ROBO2: variants seen among roughly 807,000 people sequenced by gnomAD.
The protein encoded by ROBO2 is roundabout homolog 2.
A neutral mutation model predicts 160.8 loss-of-function variants in ROBO2; 53 were observed. That is an observed-to-expected ratio of 0.33 (90% CI 0.26 to 0.41). ROBO2 has a LOEUF of 0.41. Ranked by LOEUF, ROBO2 falls within the 10% of genes least tolerant of loss-of-function variation. ROBO2 has a pLI of 1.00. For synonymous variants in ROBO2, 664 were observed against 611.7 expected (o/e 1.09, Z -1.26); for missense variants, 1,577 against 1,722.4 (o/e 0.92, Z 1.49).
chr3:75,910,425 C>G (rs1207278866), intron 1 of ROBO2, among the ~76,000 whole-genome samples: 1 of 152,164 alleles, frequency 6.6e-6, no homozygotes, highest in African/African-American at 2.4e-5. Flanking sequence ...AACATCCTTT[C>G]TTAAAAGTAC....
intron 1 of ROBO2, among the ~76,000 whole-genome samples, chr3:77,085,791 G>C (rs980875077): frequency 5.9e-5 from 9 of 151,990 alleles, no homozygotes; most frequent in Non-Finnish European, 1.2e-4. Context: ...ATTTCATAAA[G>C]GTGTCATTTA....
chr3:77,047,242 A>T (rs974076508), intron 1 of ROBO2, among the ~76,000 whole-genome samples: 1 of 152,246 alleles, frequency 6.6e-6, no homozygotes, highest in African/African-American at 2.4e-5. Flanking sequence ...TAAGATGGTT[A>T]TTGAAAGACT....
intron 2 of ROBO2, among the ~76,000 whole-genome samples, chr3:76,906,318 A>C (rs1035206977): frequency 6.6e-6 from 1 of 151,908 alleles, no homozygotes; most frequent in Non-Finnish European, 1.5e-5. Flanking sequence ...ATATAAATTC[A>C]ATGCAATATA....
intron 2 of ROBO2, among the ~76,000 whole-genome samples, chr3:76,732,158 C>G (rs1381716809): frequency 4.6e-5 from 7 of 151,984 alleles, no homozygotes; most frequent in African/African-American, 1.7e-4. Context: ...AGAAAGTGAA[C>G]CCCTGAGATT....
intron 2 of ROBO2, among the ~76,000 whole-genome samples, chr3:77,385,121 C>T (rs1008893371): frequency 1.3e-5 from 2 of 152,184 alleles, no homozygotes; most frequent in African/African-American, 4.8e-5. Flanking sequence ...CCTCCGCCTC[C>T]GGAGTTCAAA....
chr3:76,830,519 A>C (rs2066989155), intron 2 of ROBO2, among the ~76,000 whole-genome samples: 1 of 152,154 alleles, frequency 6.6e-6, no homozygotes, highest in African/African-American at 2.4e-5. Flanking sequence ...TTGCATAATA[A>C]ACTATATTAT....
chr3:77,338,914 TTTTGAATTATAG>T (rs2066770197), intron 2 of ROBO2, among the ~76,000 whole-genome samples: 1 of 152,122 alleles, frequency 6.6e-6, no homozygotes, highest in Non-Finnish European at 1.5e-5. Context: ...GTTGATTTGT[TTTTGAATTATAG>T]ATCTGATAAT....
chr3:77,584,879 T>G (rs945954578), intron 16 of ROBO2, among the ~76,000 whole-genome samples: 7 of 108,714 alleles, frequency 6.4e-5, no homozygotes, highest in African/African-American at 2.5e-4. Context: ...CTTAAGAAGT[T>G]ATATATATAT....
intron 2 of ROBO2, among the ~76,000 whole-genome samples, chr3:76,229,164 T>C (rs1704471186): frequency 6.6e-6 from 1 of 152,242 alleles, no homozygotes; most frequent in Non-Finnish European, 1.5e-5. Context: ...CATTTAATGT[T>C]GAATTATTAG....
At chr3:76,489,785 T>TA (rs1242454672) in intron 2 of ROBO2, among the ~76,000 whole-genome samples, 1 of 151,918 alleles carries the variant, frequency 6.6e-6, no homozygotes, top group East Asian at 1.9e-4. Context: ...TGGTTTAAAA[T>TA]AAAAAAGATA....
intron 2 of ROBO2, among the ~76,000 whole-genome samples, chr3:77,296,240 A>G (rs968516544): frequency 8.6e-5 from 13 of 151,710 alleles, no homozygotes; most frequent in African/African-American, 3.1e-4. Context: ...AACAGTAAAG[A>G]CATAAAGTAG....
intron 2 of ROBO2, among the ~76,000 whole-genome samples, chr3:76,692,399 G>A (rs546776517): frequency 8.5e-5 from 13 of 152,244 alleles, no homozygotes; most frequent in Admixed American, 3.9e-4. Flanking sequence ...TTTGTGCCGA[G>A]GATGGTGGGC....
At chr3:75,988,782 T>A (rs1480586105) in intron 2 of ROBO2, among the ~76,000 whole-genome samples, 1 of 151,998 alleles carries the variant, frequency 6.6e-6, no homozygotes, top group Non-Finnish European at 1.5e-5. Context: ...AAACTGAAAT[T>A]TTCAAGTTCT....
intron 2 of ROBO2, among the ~76,000 whole-genome samples, chr3:75,999,444 T>C (rs1298252396): frequency 6.6e-6 from 1 of 152,186 alleles, no homozygotes; most frequent in Non-Finnish European, 1.5e-5. Flanking sequence ...GTAAAAACTT[T>C]AAGACAATTT....
chr3:77,390,583 T>C (rs962230815), intron 2 of ROBO2, among the ~76,000 whole-genome samples: 3 of 152,208 alleles, frequency 2.0e-5, no homozygotes, highest in African/African-American at 4.8e-5. Context: ...CCCAGCCATA[T>C]GGAGCTATGA....
chr3:75,961,677 C>T (rs1348401197), intron 2 of ROBO2, among the ~76,000 whole-genome samples: 1 of 151,466 alleles, frequency 6.6e-6, no homozygotes, highest in Non-Finnish European at 1.5e-5. Context: ...CCAAACTGAT[C>T]CTCTAAATAG....
At chr3:76,803,867 G>A (rs1242824688) in intron 2 of ROBO2, among the ~76,000 whole-genome samples, 3 of 152,164 alleles carry the variant, frequency 2.0e-5, no homozygotes, top group Non-Finnish European at 2.9e-5. Context: ...AGTCATGTAA[G>A]AGTATGATTC....
intron 2 of ROBO2, among the ~76,000 whole-genome samples, chr3:76,672,669 A>G (rs2092300648): frequency 6.6e-6 from 1 of 152,158 alleles, no homozygotes; most frequent in African/African-American, 2.4e-5. Context: ...CGACTCAAGC[A>G]CAATGAGCAG....
intron 2 of ROBO2, among the ~76,000 whole-genome samples, chr3:77,400,977 C>A (rs985369455): frequency 4.6e-5 from 7 of 151,544 alleles, no homozygotes; most frequent in African/African-American, 1.7e-4. Context: ...TCTTTTCTAC[C>A]TTTCCTGGGA....
Sources: allele counts gnomAD v4.1 joint callset (sites outside exome capture counted in the v4.1 genomes callset), GRCh38; gene constraint gnomAD v4.1.1; transcripts MANE v1.5; gene names NCBI Gene and HGNC (gene_info 2026-07-23, HGNC 2026-07-21).